The following GABPA variants were observed in gnomAD, a reference collection of about 807,000 sequenced individuals.
GABPA encodes GA binding protein transcription factor subunit alpha.
In GABPA, 4 loss-of-function variants were observed where a neutral mutation model predicts 59.4. The observed-to-expected ratio is 0.07, with a 90% CI of 0.03 to 0.15. The LOEUF (loss-of-function observed/expected upper bound fraction) is 0.15, where lower values mean the gene tolerates loss of function less well. Ranked by LOEUF, GABPA falls within the 10% of genes least tolerant of loss-of-function variation. The pLI is 1.00. For synonymous variants in GABPA, 164 were observed against 183.1 expected (o/e 0.90, Z 0.84); for missense variants, 251 against 543.8 (o/e 0.46, Z 5.36).
intron 4 of GABPA, among the ~76,000 whole-genome samples, chr21:25,751,295 C>T (rs2035505084): frequency 6.6e-6 from 1 of 150,956 alleles, no homozygotes; most frequent in South Asian, 2.1e-4. Context: ...TTTAAACTAT[C>T]CAGAATTAAA....
At chr21:25,756,544 G>A (rs1411888194) in intron 5 of GABPA, among the ~76,000 whole-genome samples, 4 of 152,164 alleles carry the variant, frequency 2.6e-5, no homozygotes, top group African/African-American at 4.8e-5. Flanking sequence ...TGGATTGGGC[G>A]AAACTGCTTT....
At chr21:25,759,856 G>A (rs2035724155) in intron 6 of GABPA, among the ~76,000 whole-genome samples, 1 of 152,178 alleles carries the variant, frequency 6.6e-6, no homozygotes, top group Admixed American at 6.5e-5. Flanking sequence ...ATAGTGCATA[G>A]ATGGTAGTTT....
At chr21:25,737,825 C>T (rs1043733794) in intron 1 of GABPA, among the ~76,000 whole-genome samples, 1 of 152,094 alleles carries the variant, frequency 6.6e-6, no homozygotes, top group Admixed American at 6.6e-5. Context: ...TGCTATAAAC[C>T]TGATTCTCAC....
chr21:25,740,688 A>T (rs144580628), intron 1 of GABPA, among the ~76,000 whole-genome samples: 1 of 152,358 alleles, frequency 6.6e-6, no homozygotes, highest in African/African-American at 2.4e-5. Context: ...TTAAAATAAA[A>T]CCACCTCTGA....
intron 9 of GABPA, among the ~76,000 whole-genome samples, chr21:25,768,314 A>T (rs1222310785): frequency 6.6e-6 from 1 of 151,898 alleles, no homozygotes; most frequent in African/African-American, 2.4e-5. Flanking sequence ...AAAGCTCCCT[A>T]TTGGGCTTGG....
At chr21:25,765,509 T>A (rs2146101479) in intron 9 of GABPA, among the ~76,000 whole-genome samples, 1 of 151,998 alleles carries the variant, frequency 6.6e-6, no homozygotes. Context: ...TCCCTTCATC[T>A]CAGTATCCCA....
In GABPA at chr21:25,734,980, G is replaced by A. The variant is rs1568933434; in HGVS notation, c.-625G>A. The A allele has an allele frequency of 1.9e-6, 3 of 1,560,006 alleles. No homozygotes were observed. In the African/African-American group the frequency reaches 4.1e-5, roughly 21 times the overall value. ...TTATGGGCCGCCGTTTCAGTCGGTC[G>A]ACGCTCACCGGACAGGAAGCGTCTC... On this transcript the variant is annotated 5_prime_UTR_variant, in exon 1 of 10. Coordinates refer to ENST00000400075, the MANE Select transcript of GABPA (RefSeq NM_002040.4).
intron 3 of GABPA, among the ~76,000 whole-genome samples, chr21:25,746,728 A>G (rs1191847400): frequency 2.6e-5 from 4 of 152,166 alleles, no homozygotes; most frequent in Non-Finnish European, 4.4e-5. Context: ...GAGTTAGCTT[A>G]GTCTTTTTGG....
chr21:25,755,552 GTA>G (rs2035616179), intron 5 of GABPA, among the ~76,000 whole-genome samples: 1 of 152,012 alleles, frequency 6.6e-6, no homozygotes, highest in African/African-American at 2.4e-5. Context: ...GGGTAGGTGT[GTA>G]TGTGAATACT....
intron 5 of GABPA, among the ~76,000 whole-genome samples, chr21:25,757,794 A>C (rs1436595907): frequency 1.3e-5 from 2 of 151,556 alleles, no homozygotes; most frequent in South Asian, 2.1e-4. Flanking sequence ...AAGTGACTGC[A>C]TCAGAAATTT....
chr21:25,748,808 T>G (rs901227712), intron 3 of GABPA, among the ~76,000 whole-genome samples: 1 of 152,220 alleles, frequency 6.6e-6, no homozygotes, highest in Non-Finnish European at 1.5e-5. Context: ...AAAACTGACA[T>G]GACAAATTTG....
At chr21:25,743,442 A>AT (rs2035276641) in intron 2 of GABPA, among the ~76,000 whole-genome samples, 1 of 152,198 alleles carries the variant, frequency 6.6e-6, no homozygotes, top group Admixed American at 6.5e-5. Flanking sequence ...AGTATGTACT[A>AT]TCTGACCTTT....
chr21:25,744,793 T>C (rs1236378174), intron 2 of GABPA, among the ~76,000 whole-genome samples: 1 of 152,204 alleles, frequency 6.6e-6, no homozygotes, highest in Admixed American at 6.5e-5. Flanking sequence ...ATCTTTCTTT[T>C]TTTTTATGTG....
At position 25,741,508 on chromosome 21, in the gene GABPA, A is replaced by T. The variant is rs925677779; in HGVS notation, c.-26-65A>T. 1.8e-5 allele frequency: 14 copies of T among 772,646 alleles called. No individual in the cohort carries two copies. The African/African-American group carries it at 2.0e-4, about 11-fold the overall frequency. 47.9% of individuals were successfully genotyped at this position (772,646 alleles called of 1,614,324 possible). A position where few individuals can be genotyped will look rare whatever the true frequency, so the allele number is the denominator to read the frequency against. On this transcript the variant is annotated intron_variant, in intron 1 of 9. Transcript: ENST00000400075. ...TGCTTTTTATTTGGATTGGGTCTCT[A>T]CTTCTTGTGTGTCATTTCGTTTATG...
chr21:25,757,535 C>T (rs1324743957), intron 5 of GABPA, among the ~76,000 whole-genome samples: 1 of 152,020 alleles, frequency 6.6e-6, no homozygotes, highest in African/African-American at 2.4e-5. Flanking sequence ...AGGGTAAATG[C>T]AGGAGCAGCC....
intron 7 of GABPA, chr21:25,762,897 GATC>G: frequency 3.7e-6 from 1 of 271,874 alleles, no homozygotes; most frequent in Admixed American, 4.1e-5. Context: ...CATTCTAATG[GATC>G]ATCTGTCCCA....
At chr21:25,763,014 A>G in intron 7 of GABPA, 1 of 383,758 alleles carries the variant, frequency 2.6e-6, no homozygotes, top group Non-Finnish European at 5.0e-6. Flanking sequence ...CTTTGCCTTC[A>G]GCTTTATTCT....
rs2035993238 is a variant in GABPA, at chr21:25,770,740, G to A, written c.*1508G>A. ...TGGCATTGTTAGCAATTCTGGTAGT[G>A]GTTTGGAATGAATCCTAAGAGGCAG... On this transcript the variant is annotated 3_prime_UTR_variant, in exon 10 of 10. Coordinates refer to ENST00000400075, the MANE Select transcript of GABPA (RefSeq NM_002040.4). 1 of 152,022 alleles carries A rather than the reference G, an allele frequency of 6.6e-6. No individual in the cohort carries two copies. Among genetic ancestry groups the A allele is most frequent in the African/African-American group, 2.4e-5 (1 of 41,426 alleles). 9.4% of individuals were successfully genotyped at this position (152,022 alleles called of 1,614,324 possible).
intron 4 of GABPA, among the ~76,000 whole-genome samples, chr21:25,749,867 C>T (rs2035463808): frequency 1.3e-5 from 2 of 152,172 alleles, no homozygotes; most frequent in Non-Finnish European, 2.9e-5. Context: ...ATGTTATCTG[C>T]CTCAATGGTC....
Sources: gnomAD v4.1 joint callset for allele counts (sites outside exome capture counted in the v4.1 genomes callset) on GRCh38, gnomAD v4.1.1 for gene constraint, MANE v1.5 for transcripts, NCBI Gene and HGNC (gene_info 2026-07-23, HGNC 2026-07-21) for gene names.